The following TTC27 variants were observed in gnomAD, a reference collection of about 807,000 sequenced individuals.
The protein encoded by TTC27 is tetratricopeptide repeat protein 27.
TTC27 carries 79 observed loss-of-function variants against 115.9 expected under a neutral mutation model. The ratio of observed to expected loss-of-function variants is 0.68; its 90% CI spans 0.57 to 0.82. The LOEUF (loss-of-function observed/expected upper bound fraction) is 0.82, where lower values mean the gene tolerates loss of function less well. Among genes scored for constraint, TTC27 ranks in the 40% least tolerant of loss-of-function variants. The probability of loss-of-function intolerance (pLI) is 0.00; values close to 1 mark genes in which losing one functional copy is unlikely to be tolerated. For missense variants in TTC27, 1,054 were observed against 993.1 expected, an observed-to-expected ratio of 1.06 and a Z score of -0.82; for synonymous variants, 401 against 356.0, an observed-to-expected ratio of 1.13 and a Z score of -1.42.
chr2:32,636,945 A>G (rs778346670), intron 3 of TTC27, among the ~76,000 whole-genome samples: 6 of 152,160 alleles, frequency 3.9e-5, no homozygotes, highest in Admixed American at 1.3e-4. Flanking sequence ...TTGTGGGAAA[A>G]GGATGCTTTG....
chr2:32,650,399 T>C (rs1474991425), intron 5 of TTC27, among the ~76,000 whole-genome samples, 166 bp downstream of exon 5: 2 of 150,496 alleles, frequency 1.3e-5, no homozygotes, highest in African/African-American at 4.9e-5. Context: ...CAAGTTGTTA[T>C]GTTGTCAGAT....
chr2:32,629,805 C>A (rs1664105479), intron 1 of TTC27, among the ~76,000 whole-genome samples: 1 of 152,158 alleles, frequency 6.6e-6, no homozygotes, highest in Non-Finnish European at 1.5e-5. Flanking sequence ...TTAAAAGGCA[C>A]ATGCACTGGC....
chr2:32,731,121 G>A (rs2151914242), intron 10 of TTC27, among the ~76,000 whole-genome samples: 1 of 152,054 alleles, frequency 6.6e-6, no homozygotes, highest in Non-Finnish European at 1.5e-5. Flanking sequence ...TTGAGACAGA[G>A]TCTCACTCTG....
At chr2:32,818,806 G>A (rs186111440) in intron 19 of TTC27, among the ~76,000 whole-genome samples, 16 of 152,128 alleles carry the variant, frequency 1.1e-4, no homozygotes, top group Non-Finnish European at 1.5e-5. Flanking sequence ...CTCTGTAACC[G>A]CCTTTCTGAG....
intron 10 of TTC27, among the ~76,000 whole-genome samples, chr2:32,728,385 A>G (rs1398661303): frequency 2.0e-5 from 3 of 152,066 alleles, no homozygotes; most frequent in African/African-American, 4.8e-5. Context: ...TAATCACAAA[A>G]AGAGGATCTA....
chr2:32,808,376 T>C (rs1011280120), intron 16 of TTC27, among the ~76,000 whole-genome samples: 3 of 152,224 alleles, frequency 2.0e-5, no homozygotes, highest in Admixed American at 2.0e-4. Context: ...AACTCTTTTC[T>C]AAGCTCCAGG....
chr2:32,755,484 G>A (rs1669199974), intron 12 of TTC27, among the ~76,000 whole-genome samples: 1 of 152,212 alleles, frequency 6.6e-6, no homozygotes, highest in South Asian at 2.1e-4. Flanking sequence ...TCGGCAGGCT[G>A]AGGCAGGAGA....
At chr2:32,666,530 G>C in intron 6 of TTC27, 105 bp from the exon 7 acceptor site, 1 of 1,231,530 alleles carries the variant, frequency 8.1e-7, no homozygotes, top group Non-Finnish European at 1.1e-6. Context: ...GTGAAATGGA[G>C]AAAATACCTT....
At chr2:32,721,377 G>C (rs1027781815) in intron 10 of TTC27, among the ~76,000 whole-genome samples, 6 of 152,146 alleles carry the variant, frequency 3.9e-5, no homozygotes, top group African/African-American at 1.2e-4. Context: ...CTCGGAGATA[G>C]CTGGATTCAG....
chr2:32,667,262 A>T (rs1297981854), intron 7 of TTC27, among the ~76,000 whole-genome samples: 1 of 151,672 alleles, frequency 6.6e-6, no homozygotes, highest in Admixed American at 6.6e-5. Flanking sequence ...TGGTTGCCTT[A>T]GTATGTTTAT....
chr2:32,661,313 A>G (rs1665538902), intron 5 of TTC27, among the ~76,000 whole-genome samples: 1 of 152,124 alleles, frequency 6.6e-6, no homozygotes, highest in Non-Finnish European at 1.5e-5. Flanking sequence ...AAGAAAGTCA[A>G]TGGTAGCTTG....
rs1558328767 is a variant in TTC27 at position 32,758,539 on chromosome 2, C to T, written c.1680+20C>T. The T allele has an allele frequency of 1.2e-6, 2 of 1,605,364 alleles. No individual in the cohort carries two copies. The highest frequency in any genetic ancestry group is 1.3e-5 in the African/African-American group (1 of 74,878). On this transcript the variant is annotated intron_variant, in intron 13 of 19. Transcript: ENST00000317907. ...ATGCAGGTTAGACAACTCATAACCCCCTGCTGCTCTCAGCGCTTGTGCTGT... is the reference window on the plus strand; with the variant it reads ...ATGCAGGTTAGACAACTCATAACCCTCTGCTGCTCTCAGCGCTTGTGCTGT...
At chr2:32,656,929 AC>A in intron 5 of TTC27, among the ~76,000 whole-genome samples, 1 of 149,692 alleles carries the variant, frequency 6.7e-6, no homozygotes, top group South Asian at 2.1e-4. Flanking sequence ...TTCCTACCCT[AC>A]CCCATTTTTA....
Position 32,664,418 on chromosome 2 carries a change from T to C in TTC27, c.756T>C (p.Asp252=), listed in dbSNP as rs1227086886. Residue 252 remains aspartate, a synonymous_variant, in exon 6 of 20, where the codon GAT becomes GAC. Transcript: ENST00000317907. ...ATTATGAGTACAGAAAAGCAAAAGA[T>C]CAGTTGGATATTGCTAAGGACATCA... ...LYYYEYRKAK[D]QLDIAKDISQ... 7.4e-6 allele frequency: 12 copies of C among 1,612,230 alleles called. No individual in the cohort carries two copies. The highest frequency in any genetic ancestry group is 1.0e-5 in the Non-Finnish European group (12 of 1,179,448).
At chr2:32,719,174 C>T (rs1667844145) in intron 10 of TTC27, among the ~76,000 whole-genome samples, 2 of 152,114 alleles carry the variant, frequency 1.3e-5, no homozygotes, top group African/African-American at 4.8e-5. Context: ...ACAGGGTCAC[C>T]CTCACCAGAG....
chr2:32,669,922 A>G (rs1665947453), intron 7 of TTC27, among the ~76,000 whole-genome samples: 1 of 151,548 alleles, frequency 6.6e-6, no homozygotes, highest in African/African-American at 2.4e-5. Flanking sequence ...AAATGTTACA[A>G]TGTGAAAATA....
At chr2:32,711,137 A>AAAAG (rs1553554806) in intron 10 of TTC27, among the ~76,000 whole-genome samples, 1 of 149,518 alleles carries the variant, frequency 6.7e-6, no homozygotes, top group African/African-American at 2.5e-5. Flanking sequence ...AAAAAAAAAA[A>AAAAG]AAGAAGAAGA....
At chr2:32,680,153 A>G (rs975577682) in intron 9 of TTC27, among the ~76,000 whole-genome samples, 1 of 152,104 alleles carries the variant, frequency 6.6e-6, no homozygotes, top group Non-Finnish European at 1.5e-5. Flanking sequence ...CAGTATTCTC[A>G]GAAATCTTTG....
chr2:32,738,827 A>T (rs1668533163), intron 12 of TTC27, among the ~76,000 whole-genome samples: 2 of 152,228 alleles, frequency 1.3e-5, no homozygotes. Flanking sequence ...TATGAGAGTC[A>T]AGAAAGAAGG....
Sources: gnomAD v4.1 joint callset for allele counts (sites outside exome capture counted in the v4.1 genomes callset) on GRCh38, gnomAD v4.1.1 for gene constraint, MANE v1.5 for transcripts, NCBI Gene and HGNC (gene_info 2026-07-23, HGNC 2026-07-21) for gene names.